SEPTIN9: variants seen among roughly 807,000 people sequenced by gnomAD.
SEPTIN9 encodes the protein septin-9.
A neutral mutation model predicts 56.6 loss-of-function variants in SEPTIN9; 13 were observed. The observed-to-expected ratio is 0.23, with a 90% CI of 0.15 to 0.37. The LOEUF (loss-of-function observed/expected upper bound fraction) is 0.37. SEPTIN9 is among the 10% of genes least tolerant of loss of function. The probability of loss-of-function intolerance (pLI) is 1.00; values close to 1 mark genes in which losing one functional copy is unlikely to be tolerated. For missense variants in SEPTIN9, 650 were observed against 823.1 expected (o/e 0.79, Z 2.57); for synonymous variants, 332 against 334.1 (o/e 0.99, Z 0.07).
chr17:77,314,417 C>T lies in SEPTIN9; in HGVS notation c.76+7220C>T, dbSNP rs917059618. Among the ~76,000 whole-genome samples the T allele has an allele frequency of 8.4e-4, 116 of 138,600 alleles. 1 individual carries two copies. Among genetic ancestry groups the T allele is most frequent in the Non-Finnish European group, 7.0e-4 (46 of 65,928 alleles). The allele number at this position is 138,600 out of a possible 152,430, so 90.9% of individuals were successfully genotyped here. ...CAGGCTGGTCTTGAACTCTTGGCCT[C>T]AAGTGATCCTCCCACTTTGGCCTCC... On this transcript the variant is annotated intron_variant, in intron 2 of 11. Coordinates refer to ENST00000427177, the MANE Select transcript of SEPTIN9 (RefSeq NM_001113491.2).
intron 2 of SEPTIN9, among the ~76,000 whole-genome samples, chr17:77,377,665 GA>G (rs1241896700): frequency 6.6e-6 from 1 of 152,184 alleles, no homozygotes; most frequent in Admixed American, 6.5e-5. Context: ...GGACCATGTG[GA>G]TATGCCTTCT....
intron 2 of SEPTIN9, among the ~76,000 whole-genome samples, chr17:77,366,465 T>C (rs1170477546): frequency 6.6e-6 from 1 of 152,170 alleles, no homozygotes; most frequent in Non-Finnish European, 1.5e-5. Context: ...CTCCCAGGCA[T>C]CTGAATTTAC....
intron 1 of SEPTIN9, among the ~76,000 whole-genome samples, chr17:77,293,136 C>A (rs1423214034): frequency 1.3e-5 from 2 of 152,176 alleles, no homozygotes; most frequent in Middle Eastern, 3.4e-3. Context: ...CCCTTCTCAG[C>A]CTCCCAAGTA....
intron 2 of SEPTIN9, among the ~76,000 whole-genome samples, chr17:77,311,358 A>G (rs1323062994): frequency 2.6e-5 from 4 of 152,046 alleles, no homozygotes; most frequent in African/African-American, 9.7e-5. Context: ...CCATTATGGC[A>G]GCCACAGGAC....
In SEPTIN9 at chr17:77,453,459, T is replaced by G. The variant is rs986272764; in HGVS notation, c.722-28685T>G. Among the ~76,000 whole-genome samples, 1 of 150,920 alleles carries G rather than the reference T, an allele frequency of 6.6e-6. No individual in the cohort carries two copies. Among genetic ancestry groups the G allele is most frequent in the African/African-American group, 2.5e-5 (1 of 40,390 alleles). The stretch of plus-strand genomic sequence containing the variant: ...TGTCTCTACTAAAAATACTGGCTAA[T>G]CCGGGCATGGTGGCGCGTGCCTGTA... On this transcript the variant is annotated intron_variant, in intron 3 of 11. Transcript: ENST00000427177. This position sits in a 1 kb window ranked among gnomAD's most constrained non-coding sequence, Gnocchi z 4.4.
At chr17:77,438,674 G>A (rs139621014) in intron 3 of SEPTIN9, among the ~76,000 whole-genome samples, 4 of 152,318 alleles carry the variant, frequency 2.6e-5, no homozygotes, top group South Asian at 4.1e-4. Context: ...CTGCAGCCTC[G>A]GGAGGGTGCG....
intron 3 of SEPTIN9, among the ~76,000 whole-genome samples, chr17:77,415,648 A>AAAAG (rs971734038): frequency 6.6e-5 from 4 of 60,882 alleles, no homozygotes; most frequent in African/African-American, 2.2e-4. Context: ...AAAAAAAGAA[A>AAAAG]AAAAAAGAAA....
chr17:77,373,274 G>C (rs2034783385), intron 2 of SEPTIN9: 9 of 1,153,136 alleles, frequency 7.8e-6, no homozygotes, highest in Non-Finnish European at 9.6e-6. Flanking sequence ...GATCCGCCCG[G>C]GAGGCGGGGG....
intron 1 of SEPTIN9, among the ~76,000 whole-genome samples, chr17:77,291,375 C>A (rs1339292287): frequency 6.7e-6 from 1 of 149,808 alleles, no homozygotes; most frequent in Non-Finnish European, 1.5e-5. Flanking sequence ...CAGCCGGGCG[C>A]GGTGGCTCAT....
At position 77,320,104 on chromosome 17, in the gene SEPTIN9, C is replaced by A. The variant is rs1169025290; in HGVS notation, c.76+12907C>A. The A allele has an allele frequency of 1.3e-5, 19 of 1,448,696 alleles. No individual in the cohort carries two copies. The Admixed American group carries it at 4.9e-4, about 37-fold the overall frequency. The allele number at this position is 1,448,696 out of a possible 1,614,324, so 89.7% of individuals were successfully genotyped here. ...CCGTTTTGAAGAGACAATGCTACTT[C>A]AGTTTGGAGCACAAACATATGATCA... On this transcript the variant is annotated intron_variant, in intron 2 of 11. Transcript: ENST00000427177.
Position 77,445,552 on chromosome 17 carries a change from G to A in SEPTIN9, c.722-36592G>A. On this transcript the variant is annotated intron_variant, in intron 3 of 11. Coordinates refer to ENST00000427177, the MANE Select transcript of SEPTIN9 (RefSeq NM_001113491.2). This position sits in a 1 kb window ranked among gnomAD's most constrained non-coding sequence, Gnocchi z 4.7. Reference sequence around the variant, plus strand: ...TGTGTGTGTGTGTGCGTGCGTGCTGGGTGGGTAGGGAGGAAGCTGTGAAAC... The same window carrying A: ...TGTGTGTGTGTGTGCGTGCGTGCTGAGTGGGTAGGGAGGAAGCTGTGAAAC... 2.6e-6 allele frequency: 1 copy of A among 385,802 alleles called. No individual in the cohort carries two copies. Among genetic ancestry groups the A allele is most frequent in the Non-Finnish European group, 5.4e-6 (1 of 183,800 alleles). The allele number at this position is 385,802 out of a possible 1,614,324, so 23.9% of individuals were successfully genotyped here. A position where few individuals can be genotyped will look rare whatever the true frequency, so the allele number is the denominator to read the frequency against.
intron 1 of SEPTIN9, among the ~76,000 whole-genome samples, chr17:77,289,654 C>T (rs1311325721): frequency 3.4e-5 from 5 of 148,616 alleles, no homozygotes; most frequent in East Asian, 2.0e-4. Context: ...GTGATCCGCC[C>T]GCCTTGGCCT....
chr17:77,282,060 T>C (rs2031051852), intron 1 of SEPTIN9, among the ~76,000 whole-genome samples: 1 of 152,142 alleles, frequency 6.6e-6, no homozygotes, highest in African/African-American at 2.4e-5. Context: ...GCGACTCGGG[T>C]TCACGTTTTG....
intron 2 of SEPTIN9, among the ~76,000 whole-genome samples, chr17:77,345,993 C>T (rs1327589031): frequency 1.3e-5 from 2 of 151,852 alleles, no homozygotes; most frequent in Non-Finnish European, 2.9e-5. Context: ...CTCTGTTGCC[C>T]AGGCTGGAGT....
chr17:77,312,458 T>C (rs2032540443), intron 2 of SEPTIN9, among the ~76,000 whole-genome samples: 1 of 151,902 alleles, frequency 6.6e-6, no homozygotes, highest in Non-Finnish European at 1.5e-5. Context: ...CCACTTGTCC[T>C]CTGGAAAGCA....
At chr17:77,351,228 A>AAC (rs10537405) in intron 2 of SEPTIN9, among the ~76,000 whole-genome samples, 13,373 of 144,526 alleles carry the variant, frequency 0.093, 556 homozygotes, top group East Asian at 0.16. Flanking sequence ...GCGTGCACAC[A>AAC]ACACACACAC....
chr17:77,351,637 A>G (rs750295559), intron 2 of SEPTIN9, among the ~76,000 whole-genome samples: 47 of 152,330 alleles, frequency 3.1e-4, no homozygotes, highest in Middle Eastern at 3.4e-3. Context: ...CCCCTGAGAC[A>G]TGGGCCAAGG....
intron 2 of SEPTIN9, among the ~76,000 whole-genome samples, chr17:77,386,772 G>T (rs1196629205): frequency 3.3e-5 from 5 of 152,152 alleles, no homozygotes; most frequent in Non-Finnish European, 7.4e-5. Flanking sequence ...GGAAAATACG[G>T]GCATAGGGGA....
chr17:77,496,971 C>CG (rs1290901029), intron 10 of SEPTIN9: 3 of 388,400 alleles, frequency 7.7e-6, no homozygotes, highest in Non-Finnish European at 1.5e-5. Flanking sequence ...CCCAGTGGTG[C>CG]GGGGGCCCAC....
Sources: allele counts gnomAD v4.1 joint callset (sites outside exome capture counted in the v4.1 genomes callset), GRCh38; gene constraint gnomAD v4.1.1; non-coding constraint Gnocchi (gnomAD v3.1); transcripts MANE v1.5; gene names NCBI Gene and HGNC (gene_info 2026-07-23, HGNC 2026-07-21).